ANKRD11: variants seen among roughly 807,000 people sequenced by gnomAD.
The protein encoded by ANKRD11 is ankyrin repeat domain 11, also known as ankyrin repeat domain-containing protein 11.
A neutral mutation model predicts 195.7 loss-of-function variants in ANKRD11; 17 were observed. That is an observed-to-expected ratio of 0.09 (90% CI 0.06 to 0.13). ANKRD11 has a LOEUF of 0.13. Among genes scored for constraint, ANKRD11 ranks in the 10% least tolerant of loss-of-function variants. The pLI, the probability that ANKRD11 is intolerant of heterozygous loss-of-function variation, is 1.00. For synonymous variants in ANKRD11, 1,953 were observed against 1,528.1 expected, an observed-to-expected ratio of 1.28 and a Z score of -6.49; for missense variants, 3,735 against 3,566.1, an observed-to-expected ratio of 1.05 and a Z score of -1.21.
intron 2 of ANKRD11, among the ~76,000 whole-genome samples, chr16:89,353,350 A>AAAGAGAGAG (rs1555550448): frequency 6.7e-5 from 10 of 149,558 alleles, no homozygotes; most frequent in African/African-American, 2.5e-4. Context: ...TCCAAAAAAA[A>AAAGAGAGAG]AGAGAGAGAG....
At chr16:89,342,509 G>C (rs140736451) in intron 2 of ANKRD11, among the ~76,000 whole-genome samples, 1 of 152,250 alleles carries the variant, frequency 6.6e-6, no homozygotes, top group African/African-American at 2.4e-5. Context: ...AGAGGCCAGC[G>C]TGAACTCGCT....
At chr16:89,423,650 A>T (rs577880311) in intron 1 of ANKRD11, among the ~76,000 whole-genome samples, 1 of 152,354 alleles carries the variant, frequency 6.6e-6, no homozygotes, top group East Asian at 1.9e-4. Flanking sequence ...CACCATTACT[A>T]GAGGTCAAAA....
chr16:89,357,718 A>G (rs1465706383), intron 2 of ANKRD11, among the ~76,000 whole-genome samples: 2 of 152,066 alleles, frequency 1.3e-5, no homozygotes, highest in Non-Finnish European at 2.9e-5. Context: ...TGCGGACTCC[A>G]CTCACAGGGT....
intron 1 of ANKRD11, among the ~76,000 whole-genome samples, chr16:89,431,054 A>G (rs185265511): frequency 6.6e-6 from 1 of 152,074 alleles, no homozygotes; most frequent in Non-Finnish European, 1.5e-5. Context: ...TGCTTCCAGA[A>G]GCCTAGGGTT....
intron 1 of ANKRD11, among the ~76,000 whole-genome samples, chr16:89,456,672 A>G (rs570578236): frequency 4.4e-4 from 67 of 152,290 alleles, no homozygotes; most frequent in African/African-American, 1.5e-3. Context: ...GACATACAAC[A>G]TAGATGGACT....
intron 2 of ANKRD11, among the ~76,000 whole-genome samples, chr16:89,353,008 C>T (rs1000088537): frequency 6.6e-6 from 1 of 152,174 alleles, no homozygotes; most frequent in Admixed American, 6.5e-5. Flanking sequence ...TTTACAGGAT[C>T]CATTTACTTC....
chr16:89,352,661 A>C (rs2039277408), intron 2 of ANKRD11, among the ~76,000 whole-genome samples: 1 of 152,106 alleles, frequency 6.6e-6, no homozygotes, highest in African/African-American at 2.4e-5. Context: ...ATCAGCACCA[A>C]AGTGTTCTGT....
chr16:89,324,434 T>G (rs1334780348), intron 2 of ANKRD11: 2 of 467,426 alleles, frequency 4.3e-6, no homozygotes, highest in Non-Finnish European at 8.4e-6. Flanking sequence ...AAAACCAAGG[T>G]AAGTGTGAGG....
intron 2 of ANKRD11, among the ~76,000 whole-genome samples, chr16:89,321,904 C>G (rs573515018): frequency 2.0e-5 from 3 of 152,146 alleles, no homozygotes; most frequent in African/African-American, 7.2e-5. Flanking sequence ...CGTGAAAACC[C>G]GGAGGACGAA....
At chr16:89,293,934 G>A (rs912750153) in intron 4 of ANKRD11, among the ~76,000 whole-genome samples, 11 of 152,148 alleles carry the variant, frequency 7.2e-5, no homozygotes, top group Admixed American at 5.9e-4. Context: ...CCCACGCTGC[G>A]TCCCCGCTCT....
At chr16:89,323,260 T>C (rs1205617210) in intron 2 of ANKRD11, 2 of 1,272,582 alleles carry the variant, frequency 1.6e-6, no homozygotes, top group Non-Finnish European at 2.1e-6. Flanking sequence ...AAGAGCTGCA[T>C]ACCTGGCAGG....
At chr16:89,450,082 A>C (rs923312408) in intron 1 of ANKRD11, among the ~76,000 whole-genome samples, 1 of 152,152 alleles carries the variant, frequency 6.6e-6, no homozygotes, top group African/African-American at 2.4e-5. Context: ...TTTGCAAACA[A>C]TTGTGTTACT....
chr16:89,424,815 G>A (rs534723568), intron 1 of ANKRD11, among the ~76,000 whole-genome samples: 2 of 152,152 alleles, frequency 1.3e-5, no homozygotes, highest in Non-Finnish European at 1.5e-5. Flanking sequence ...ATTCAGCACC[G>A]CAACACGGCA....
chr16:89,343,882 G>A (rs1332134335), intron 2 of ANKRD11: 1 of 152,284 alleles, frequency 6.6e-6, no homozygotes, highest in Non-Finnish European at 1.5e-5. Context: ...TGGACCAACA[G>A]AGTAGGGAAA....
chr16:89,312,944 C>G (rs1055900621), intron 3 of ANKRD11, among the ~76,000 whole-genome samples: 1 of 152,196 alleles, frequency 6.6e-6, no homozygotes, highest in African/African-American at 2.4e-5. Context: ...GGCCTCAGAC[C>G]AGATGTGAGT....
At chr16:89,305,705 AGACACGCGCCACCTCCCAC>A in intron 3 of ANKRD11, among the ~76,000 whole-genome samples, 1 of 117,386 alleles carries the variant, frequency 8.5e-6, no homozygotes, top group Non-Finnish European at 1.7e-5. Flanking sequence ...CCCACTCCGC[AGACACGCGCCACCTCCCAC>A]TCCGCAGACA....
intron 1 of ANKRD11, chr16:89,422,189 C>T (rs745604928): frequency 6.6e-6 from 1 of 152,052 alleles, no homozygotes. Context: ...TAGGCCAAAC[C>T]TATAATCCCA....
At chr16:89,455,947 G>A (rs541434022) in intron 1 of ANKRD11, among the ~76,000 whole-genome samples, 2 of 152,236 alleles carry the variant, frequency 1.3e-5, no homozygotes, top group African/African-American at 4.8e-5. Context: ...AAACAGAAAG[G>A]TGGAAACAGG....
chr16:89,430,884 T>C (rs1220617279), intron 1 of ANKRD11, among the ~76,000 whole-genome samples: 2 of 152,214 alleles, frequency 1.3e-5, no homozygotes, highest in African/African-American at 4.8e-5. Flanking sequence ...CAGCCCTGCC[T>C]GTGCTCTCCT....
Sources: allele counts gnomAD v4.1 joint callset (sites outside exome capture counted in the v4.1 genomes callset), GRCh38; gene constraint gnomAD v4.1.1; transcripts MANE v1.5; gene names NCBI Gene and HGNC (gene_info 2026-07-23, HGNC 2026-07-21).